NT5DC2: variants seen among roughly 807,000 people sequenced by gnomAD.
NT5DC2 encodes the protein 5'-nucleotidase domain-containing protein 2.
In NT5DC2, 41 loss-of-function variants were observed where a neutral mutation model predicts 70.0. That is an observed-to-expected ratio of 0.59 (90% confidence interval 0.46 to 0.76). The LOEUF is 0.76. Ranked by LOEUF, NT5DC2 falls within the 30% of genes least tolerant of loss-of-function variation. The probability of loss-of-function intolerance (pLI) is 0.00; values close to 1 mark genes in which losing one functional copy is unlikely to be tolerated. For missense variants in NT5DC2, 705 were observed against 783.2 expected (o/e 0.90, Z 1.19); for synonymous variants, 299 against 310.4 (o/e 0.96, Z 0.39).
At chr3:52,534,684 G>A (rs1042067674), upstream of NT5DC2, 2 of 1,584,556 alleles carry the variant, frequency 1.3e-6, no homozygotes, top group Non-Finnish European at 1.7e-6. Flanking sequence ...TTCCGAGCCC[G>A]CACGCATACC....
Position 52,527,855 on chromosome 3 carries a change from G to GAGGA in NT5DC2, c.905_908dup (p.Ile304ProfsTer41), listed in dbSNP as rs1468132978. 1.2e-6 allele frequency: 2 copies of GAGGA among 1,613,444 alleles called. No individual in the cohort carries two copies. Among genetic ancestry groups the GAGGA allele is most frequent in the Non-Finnish European group, 1.7e-6 (2 of 1,180,022 alleles). Reference sequence around the variant, plus strand: ...CGAAGCTGAAAGGACTGTTGGTGATGAGGAACAGCTGTTTCCCATGGGCCA... The same window carrying GAGGA: ...CGAAGCTGAAAGGACTGTTGGTGATGAGGAAGGAACAGCTGTTTCCCATGGGCCA... On this transcript the variant is annotated frameshift_variant, in exon 8 of 14. Coordinates refer to ENST00000422318, the MANE Select transcript of NT5DC2 (RefSeq NM_001134231.2). LOFTEE classifies it high-confidence loss of function.
At chr3:52,526,053 G>GTGAC (rs59021296) in intron 10 of NT5DC2, 13,593 of 151,960 alleles carry the variant, frequency 0.089, 680 homozygotes, top group African/African-American at 0.12. Context: ...CAGACTCCTA[G>GTGAC]TGACTGACAG....
In NT5DC2 at chr3:52,533,837, T is replaced by G; in HGVS notation, c.-100A>C. 1.0e-6 allele frequency: 1 copy of G among 979,716 alleles called. No individual in the cohort carries two copies. The allele number at this position is 979,716 out of a possible 1,614,324, so 60.7% of individuals were successfully genotyped here. ...CGCGCCCGCCACGGTGGCCTCGTGC[T>G]CCTCACGGCGGCCGGCCAATGGGTG... On this transcript the variant is annotated 5_prime_UTR_variant, in exon 1 of 14. Transcript: ENST00000422318.
At position 52,533,819 on chromosome 3, in the gene NT5DC2, G is replaced by A. The variant is rs1402285536; in HGVS notation, c.-82C>T. On this transcript the variant is annotated 5_prime_UTR_variant, in exon 1 of 14. Transcript: ENST00000422318. Reference sequence around the variant, plus strand: ...CCCGCCGCCCTCCGACTGCGCGCCCGCCACGGTGGCCTCGTGCTCCTCACG... The same window carrying A: ...CCCGCCGCCCTCCGACTGCGCGCCCACCACGGTGGCCTCGTGCTCCTCACG... 1 of 974,300 alleles carries A rather than the reference G, an allele frequency of 1.0e-6. No homozygotes were observed. Among genetic ancestry groups the A allele is most frequent in the East Asian group, 1.2e-4 (1 of 8,562 alleles). The allele number at this position is 974,300 out of a possible 1,614,324, so 60.4% of individuals were successfully genotyped here. A position where few individuals can be genotyped will look rare whatever the true frequency, so the allele number is the denominator to read the frequency against.
chr3:52,527,579 C>A lies in NT5DC2; in HGVS notation c.1037+38G>T. ...CCCTCATTGGGGTGGGGCCTCTATT[C>A]CCCTTCCCTGGCCCTGCAACCCCCA... On this transcript the variant is annotated intron_variant, in intron 9 of 13. Coordinates refer to ENST00000422318, the MANE Select transcript of NT5DC2 (RefSeq NM_001134231.2). The A allele has an allele frequency of 1.9e-6, 3 of 1,602,142 alleles. No homozygotes were observed. The South Asian group carries it at 3.3e-5, about 18-fold the overall frequency.
upstream of NT5DC2, chr3:52,534,257 T>G: frequency 1.8e-6 from 1 of 544,520 alleles, no homozygotes; most frequent in Non-Finnish European, 3.3e-6. Context: ...CTCCTCCCCC[T>G]AGTCCTGGTG....
Position 52,529,426 on chromosome 3 carries a change from T to C in NT5DC2, c.233-92A>G. On this transcript the variant is annotated intron_variant, in intron 1 of 13. Coordinates refer to ENST00000422318, the MANE Select transcript of NT5DC2 (RefSeq NM_001134231.2). The surrounding 1 kb of genome is among the most constrained non-coding windows in gnomAD (Gnocchi z 4.1). ...AGCACTCTGTGGGGACCTAGCCCTG[T>C]GAGCCTCAGAAACGCCCCACAATGG... 1 of 1,272,234 alleles carries C rather than the reference T, an allele frequency of 7.9e-7. No homozygotes were observed. Among genetic ancestry groups the C allele is most frequent in the Non-Finnish European group, 1.1e-6 (1 of 906,436 alleles). The allele number at this position is 1,272,234 out of a possible 1,614,324, so 78.8% of individuals were successfully genotyped here. A position where few individuals can be genotyped will look rare whatever the true frequency, so the allele number is the denominator to read the frequency against.
At chr3:52,534,499 C>G (rs2079403846), upstream of NT5DC2, 2 of 1,612,472 alleles carry the variant, frequency 1.2e-6, no homozygotes, top group Non-Finnish European at 1.7e-6. Context: ...ACTGCGCCCG[C>G]TTGGTTCGGA....
At chr3:52,525,144 C>G in intron 11 of NT5DC2, 41 bp from the exon 12 acceptor site, 1 of 275,722 alleles carries the variant, frequency 3.6e-6, no homozygotes, top group Non-Finnish European at 6.2e-6. Context: ...GCGCCAGTTG[C>G]TGGGGGCGGG....
At position 52,529,130 on chromosome 3, in the gene NT5DC2, G is replaced by GACCC; in HGVS notation, c.417+19_417+20insGGGT. 1 of 1,613,704 alleles carries GACCC rather than the reference G, an allele frequency of 6.2e-7. No homozygotes were observed. Among genetic ancestry groups the GACCC allele is most frequent in the Non-Finnish European group, 8.5e-7 (1 of 1,179,720 alleles). The stretch of plus-strand genomic sequence containing the variant: ...GCCTCCAAGCCCTGGGTTTGTTGGT[G>GACCC]GCAAGGACCCCCGTCTCACCTTGTA... On this transcript the variant is annotated intron_variant, in intron 2 of 13. Coordinates refer to ENST00000422318, the MANE Select transcript of NT5DC2 (RefSeq NM_001134231.2). This position sits in a 1 kb window ranked among gnomAD's most constrained non-coding sequence, Gnocchi z 4.1.
chr3:52,531,533 C>T lies in NT5DC2; in HGVS notation c.232+1973G>A, dbSNP rs1281425931. On this transcript the variant is annotated intron_variant, in intron 1 of 13. Coordinates refer to ENST00000422318, the MANE Select transcript of NT5DC2 (RefSeq NM_001134231.2). The surrounding 1 kb of genome is among the most constrained non-coding windows in gnomAD (Gnocchi z 4.1). ...TGCCCCTAAGGATGTTCCCAGGGGC[C>T]CAGGGGCAGACAGTCCTCCCAGGAA... is the stretch of plus-strand genomic sequence containing the variant. 6.6e-6 allele frequency among the ~76,000 whole-genome samples: 1 copy of T among 151,970 alleles called. No homozygotes were observed. The highest frequency in any genetic ancestry group is 2.4e-5 in the African/African-American group (1 of 41,270).
chr3:52,533,571 G>C lies in NT5DC2; in HGVS notation c.167C>G (p.Thr56Ser), dbSNP rs2079389185. Residue 56 changes from threonine (T) to serine (S), a missense_variant, in exon 1 of 14, where the codon ACC becomes AGC. Transcript: ENST00000422318. ...GTGCGCGCTGAGGTCGGCGCCGCTG[G>C]TGGGTGCCTGGGCGGGCGCGGAGCG... ...VPRSAPAQAP[T>S]SGADLSAHLW... 1 of 1,335,474 alleles carries C rather than the reference G, an allele frequency of 7.5e-7. No homozygotes were observed. Among genetic ancestry groups the C allele is most frequent in the South Asian group, 1.9e-5 (1 of 53,272 alleles). The allele number at this position is 1,335,474 out of a possible 1,614,324, so 82.7% of individuals were successfully genotyped here.
chr3:52,533,130 A>G (rs1455091176), intron 1 of NT5DC2, among the ~76,000 whole-genome samples: 1 of 151,848 alleles, frequency 6.6e-6, no homozygotes, highest in African/African-American at 2.4e-5. Flanking sequence ...CTTTGTCCAC[A>G]GCACTCTCCC....
chr3:52,528,780 C>T, intron 3 of NT5DC2, 81 bp downstream of exon 3: 1 of 1,600,284 alleles, frequency 6.2e-7, no homozygotes, highest in South Asian at 1.1e-5. Context: ...TGCCAGAACC[C>T]CAGCTGGATG....
upstream of NT5DC2, chr3:52,534,066 G>T (rs1185074894): frequency 1.4e-5 from 3 of 213,686 alleles, no homozygotes; most frequent in Non-Finnish European, 2.7e-5. Context: ...CCCAGCCCTG[G>T]AAGTCAGCGG....
intron 10 of NT5DC2, 45 bp from the exon 11 acceptor site, chr3:52,525,340 C>T (rs766383855): frequency 1.5e-5 from 22 of 1,472,974 alleles, no homozygotes; most frequent in Non-Finnish European, 2.0e-5. Context: ...GTGCCTTGTC[C>T]TCCACCAGTC....
At chr3:52,532,535 T>G (rs1328086410) in intron 1 of NT5DC2, 3 of 982,058 alleles carry the variant, frequency 3.1e-6, no homozygotes, top group Non-Finnish European at 3.6e-6. Flanking sequence ...GTCTAGCCAG[T>G]TAGAATCTTC....
intron 10 of NT5DC2, chr3:52,526,062 A>T (rs182549346): frequency 6.7e-6 from 1 of 149,964 alleles, no homozygotes; most frequent in Non-Finnish European, 1.5e-5. Context: ...AGTGACTGAC[A>T]GGCAGGATCC....
In NT5DC2 at chr3:52,524,647, G is replaced by A. The variant is rs35800052; in HGVS notation, c.1497C>T (p.Leu499=). The A allele has an allele frequency of 5.0e-6, 8 of 1,613,066 alleles. No individual in the cohort carries two copies. The highest frequency in any genetic ancestry group is 2.2e-5 in the East Asian group (1 of 44,878). The change falls in exon 14 of 14, where the codon CTC becomes CTT. Residue 499 remains leucine (L), a synonymous_variant. Transcript: ENST00000422318. ...FHNPTYFSRR[L]VRFSDLYMAS... ...CCATGTAGAGGTCAGAGAAGCGCAC[G>A]AGGCGCCTTGAGAAGTAGGTGGGGT...
Sources: allele counts gnomAD v4.1 joint callset (sites outside exome capture counted in the v4.1 genomes callset), GRCh38; gene constraint gnomAD v4.1.1; non-coding constraint Gnocchi (gnomAD v3.1); transcripts MANE v1.5; gene names NCBI Gene and HGNC (gene_info 2026-07-23, HGNC 2026-07-21).